FNBP1: variants seen among roughly 807,000 people sequenced by gnomAD.
FNBP1 encodes the protein formin binding protein 1.
FNBP1 carries 26 observed loss-of-function variants against 90.6 expected under a neutral mutation model. That is an observed-to-expected ratio of 0.29 (90% confidence interval 0.21 to 0.40). FNBP1 has a LOEUF of 0.40. FNBP1 is among the 10% of genes least tolerant of loss of function. The probability of loss-of-function intolerance (pLI) is 1.00; values close to 1 mark genes in which losing one functional copy is unlikely to be tolerated. For synonymous variants in FNBP1, 260 were observed against 265.2 expected (o/e 0.98, Z 0.19); for missense variants, 635 against 768.0 (o/e 0.83, Z 2.05).
chr9:129,905,294 G>GTGTATA (rs374989661), intron 12 of FNBP1, among the ~76,000 whole-genome samples: 223 of 132,350 alleles, frequency 1.7e-3, no homozygotes, highest in African/African-American at 5.4e-3. Flanking sequence ...GTGTGTGTGT[G>GTGTATA]TATATATATA....
chr9:129,947,579 T>TG (rs896580932), intron 6 of FNBP1, among the ~76,000 whole-genome samples: 12 of 152,032 alleles, frequency 7.9e-5, no homozygotes, highest in Non-Finnish European at 1.5e-4. Flanking sequence ...AGGGAATGAA[T>TG]GGATACATGT....
intron 1 of FNBP1, among the ~76,000 whole-genome samples, chr9:130,014,297 G>C (rs1443384223): frequency 1.3e-5 from 2 of 150,578 alleles, no homozygotes; most frequent in African/African-American, 4.9e-5. Context: ...TGCCGCCCAG[G>C]CTGGAGTGCA....
At chr9:129,901,273 G>A (rs142834310) in intron 13 of FNBP1, among the ~76,000 whole-genome samples, 281 of 152,172 alleles carry the variant, frequency 1.8e-3, no homozygotes, top group African/African-American at 6.4e-3. Flanking sequence ...GGGGGTGGTG[G>A]TGAGCGCCTG....
chr9:129,948,939 T>TTTAATTAA (rs1033714835), intron 6 of FNBP1, among the ~76,000 whole-genome samples: 40 of 152,104 alleles, frequency 2.6e-4, no homozygotes, highest in African/African-American at 8.9e-4. Context: ...ATCTCGGTGT[T>TTTAATTAA]TTAATTAATT....
chr9:129,897,115 C>T (rs2035908194), intron 15 of FNBP1, among the ~76,000 whole-genome samples: 1 of 152,178 alleles, frequency 6.6e-6, no homozygotes, highest in Non-Finnish European at 1.5e-5. Flanking sequence ...CCTGCTTTTC[C>T]ACTTCCCTAG....
chr9:129,916,105 C>T (rs541403330), intron 10 of FNBP1, 125 bp from the exon 11 acceptor site: 21 of 662,608 alleles, frequency 3.2e-5, no homozygotes, highest in Non-Finnish European at 5.0e-5. Flanking sequence ...AAATAACACA[C>T]ACGTCTACCC....
rs149024404 is a variant in FNBP1, at chr9:129,986,530, G to A, written c.141-7156C>T. On this transcript the variant is annotated intron_variant, in intron 2 of 16. Coordinates refer to ENST00000446176, the MANE Select transcript of FNBP1 (RefSeq NM_015033.3). ...AGATAGGCCGGGCGTGGTGGCTCAC[G>A]CCTGTAATCCCAGCACTTTGGGAGG... 9.6e-3 allele frequency among the ~76,000 whole-genome samples: 1,457 copies of A among 152,258 alleles called. 14 individuals are homozygous for A. The highest frequency in any genetic ancestry group is 0.013 in the Non-Finnish European group (874 of 68,012).
At chr9:129,943,865 G>T (rs1026813386) in intron 6 of FNBP1, among the ~76,000 whole-genome samples, 1 of 151,278 alleles carries the variant, frequency 6.6e-6, no homozygotes, top group Admixed American at 6.6e-5. Flanking sequence ...TGGTATCGGG[G>T]GCCTGTATCC....
rs2048691970 is a variant in FNBP1 at position 129,966,722 on chromosome 9, G to A, written c.346-8169C>T. On this transcript the variant is annotated intron_variant, in intron 4 of 16. Transcript: ENST00000446176. This position sits in a 1 kb window ranked among gnomAD's most constrained non-coding sequence, Gnocchi z 4.3. ...ATTCCAAGTCTGGGTGATGGAGCGA[G>A]ACTCCGTCTAAACAACAACAACAAC... 6.7e-6 allele frequency among the ~76,000 whole-genome samples: 1 copy of A among 148,312 alleles called. No individual in the cohort carries two copies. The highest frequency in any genetic ancestry group is 6.9e-5 in the Admixed American group (1 of 14,498).
chr9:130,035,360 A>G (rs1432520533), intron 1 of FNBP1, among the ~76,000 whole-genome samples: 2 of 152,098 alleles, frequency 1.3e-5, no homozygotes, highest in Non-Finnish European at 2.9e-5. Context: ...CTGCCAGAGG[A>G]TTCTTGTGTC....
chr9:129,972,593 A>G (rs988449760), intron 4 of FNBP1, among the ~76,000 whole-genome samples: 2 of 149,248 alleles, frequency 1.3e-5, no homozygotes, highest in Admixed American at 1.3e-4. Context: ...GTGCAATGGC[A>G]TGATCTCCGC....
chr9:130,021,683 C>G (rs2057840869), intron 1 of FNBP1, among the ~76,000 whole-genome samples: 1 of 150,048 alleles, frequency 6.7e-6, no homozygotes, highest in East Asian at 1.9e-4. Context: ...AAGGAGACTT[C>G]AAAAAAAAAC....
chr9:129,928,343 A>G (rs1009230904), intron 7 of FNBP1, among the ~76,000 whole-genome samples: 10 of 152,246 alleles, frequency 6.6e-5, no homozygotes, highest in African/African-American at 1.7e-4. Flanking sequence ...TAGCAAAGAC[A>G]GCATTAATCA....
At chr9:129,898,018 C>T (rs1212223139) in intron 15 of FNBP1, among the ~76,000 whole-genome samples, 6 of 151,736 alleles carry the variant, frequency 4.0e-5, no homozygotes, top group African/African-American at 7.3e-5. Flanking sequence ...TTAGTAGAGA[C>T]GGGGTTTCAT....
chr9:130,049,709 A>T, the FNBP1 span, among the ~76,000 whole-genome samples: 8 of 151,480 alleles, frequency 5.3e-5, no homozygotes, highest in Non-Finnish European at 1.0e-4. Context: ...TCAAAAAAAA[A>T]TAAAAATAAA....
intron 11 of FNBP1, among the ~76,000 whole-genome samples, chr9:129,909,540 G>A (rs1259652523): frequency 6.6e-6 from 1 of 151,658 alleles, no homozygotes; most frequent in African/African-American, 2.4e-5. Flanking sequence ...CTCAGAGAAT[G>A]TGGGTGAAAA....
At chr9:129,980,450 A>G (rs1008639090) in intron 2 of FNBP1, among the ~76,000 whole-genome samples, 5 of 152,192 alleles carry the variant, frequency 3.3e-5, no homozygotes, top group Admixed American at 6.5e-5. Context: ...CCACCTGTGA[A>G]TAAATCTTCT....
chr9:130,024,776 T>C (rs903276859), intron 1 of FNBP1, among the ~76,000 whole-genome samples: 2 of 152,228 alleles, frequency 1.3e-5, no homozygotes, highest in African/African-American at 4.8e-5. Flanking sequence ...AATAAAGCAC[T>C]TGACTGCCTA....
intron 15 of FNBP1, among the ~76,000 whole-genome samples, chr9:129,898,730 C>T (rs1371098662): frequency 2.0e-5 from 3 of 151,904 alleles, no homozygotes; most frequent in Non-Finnish European, 2.9e-5. Context: ...CCTCACGATC[C>T]GCCTGCCTCG....
Sources: allele counts gnomAD v4.1 joint callset (sites outside exome capture counted in the v4.1 genomes callset), GRCh38; gene constraint gnomAD v4.1.1; non-coding constraint Gnocchi (gnomAD v3.1); transcripts MANE v1.5; gene names NCBI Gene and HGNC (gene_info 2026-07-23, HGNC 2026-07-21).